Variants in SLC35F3 observed in about 807,000 individuals in gnomAD.
The protein encoded by SLC35F3 is putative thiamine transporter SLC35F3.
Under a neutral mutation model 49.9 loss-of-function variants are expected in SLC35F3, and 25 were observed. The observed-to-expected ratio is 0.50, with a 90% confidence interval of 0.37 to 0.70. The LOEUF (loss-of-function observed/expected upper bound fraction) is 0.70, where lower values mean the gene tolerates loss of function less well. Ranked by LOEUF, SLC35F3 falls within the 30% of genes least tolerant of loss-of-function variation. The probability of loss-of-function intolerance (pLI) is 0.00; values close to 1 mark genes in which losing one functional copy is unlikely to be tolerated. For synonymous variants in SLC35F3, 275 were observed against 265.4 expected (o/e 1.04, Z -0.35); for missense variants, 525 against 639.8 (o/e 0.82, Z 1.94).
intron 2 of SLC35F3, among the ~76,000 whole-genome samples, chr1:233,968,316 T>A (rs1244883000): frequency 1.3e-5 from 2 of 152,174 alleles, no homozygotes; most frequent in African/African-American, 2.4e-5. Context: ...TATGACCTTA[T>A]CTTAACTAAT....
intron 3 of SLC35F3, among the ~76,000 whole-genome samples, chr1:234,299,931 G>C (rs1337761714): frequency 6.6e-6 from 1 of 151,796 alleles, no homozygotes; most frequent in African/African-American, 2.4e-5. Flanking sequence ...CAGAGAAAGA[G>C]AGAGAAAAGA....
At chr1:234,228,351 C>A (rs915561729) in intron 2 of SLC35F3, among the ~76,000 whole-genome samples, 1 of 152,232 alleles carries the variant, frequency 6.6e-6, no homozygotes, top group Non-Finnish European at 1.5e-5. Flanking sequence ...ACTGGCCACG[C>A]TCTCTGCAGA....
At chr1:234,292,687 C>T (rs959859982) in intron 3 of SLC35F3, among the ~76,000 whole-genome samples, 2 of 152,166 alleles carry the variant, frequency 1.3e-5, no homozygotes, top group Admixed American at 6.5e-5. Flanking sequence ...TTAATATGCT[C>T]GGTGAGAAGC....
intron 3 of SLC35F3, among the ~76,000 whole-genome samples, chr1:234,280,743 G>A (rs943525929): frequency 9.2e-5 from 14 of 152,158 alleles, no homozygotes; most frequent in African/African-American, 2.7e-4. Flanking sequence ...CACTTCCACC[G>A]CACAGTCATC....
At chr1:233,990,710 C>T (rs981462668) in intron 2 of SLC35F3, among the ~76,000 whole-genome samples, 1 of 152,082 alleles carries the variant, frequency 6.6e-6, no homozygotes, top group Admixed American at 6.6e-5. Flanking sequence ...GTGCACATAT[C>T]AAAACATTAC....
At chr1:234,321,812 C>T (rs374672022) in intron 7 of SLC35F3, among the ~76,000 whole-genome samples, 3 of 152,084 alleles carry the variant, frequency 2.0e-5, no homozygotes, top group African/African-American at 7.2e-5. Context: ...GGGTTCTCCC[C>T]GACATCTGCT....
At chr1:234,181,820 A>G (rs1666561696) in intron 2 of SLC35F3, among the ~76,000 whole-genome samples, 1 of 152,114 alleles carries the variant, frequency 6.6e-6, no homozygotes, top group Non-Finnish European at 1.5e-5. Flanking sequence ...AGGATAATTC[A>G]CATGTGGTTC....
At chr1:234,108,152 C>T (rs1222519919) in intron 2 of SLC35F3, among the ~76,000 whole-genome samples, 1 of 144,776 alleles carries the variant, frequency 6.9e-6, no homozygotes, top group Admixed American at 7.4e-5. Flanking sequence ...CCTTGTGCAA[C>T]ATAGCGATAC....
intron 2 of SLC35F3, among the ~76,000 whole-genome samples, chr1:234,168,502 C>G: frequency 6.6e-6 from 1 of 152,254 alleles, no homozygotes; most frequent in East Asian, 1.9e-4. Flanking sequence ...TTCTGGCCAT[C>G]ATGCAGCAGA....
chr1:234,170,808 G>C (rs1024905121), intron 2 of SLC35F3, among the ~76,000 whole-genome samples: 1 of 152,100 alleles, frequency 6.6e-6, no homozygotes. Flanking sequence ...AGTACTTAAC[G>C]GTTGCACGAA....
rs74625061 is a variant in SLC35F3 at position 234,280,167 on chromosome 1, C to T, written c.609-28934C>T. Reference sequence around the variant, plus strand: ...TAACATTTCAATGGCAGGGATTCCTCATTGGCTTCAATCCATTGCACATTA... The same window carrying T: ...TAACATTTCAATGGCAGGGATTCCTTATTGGCTTCAATCCATTGCACATTA... On this transcript the variant is annotated intron_variant, in intron 3 of 7. Transcript: ENST00000366618. Among the ~76,000 whole-genome samples the T allele has an allele frequency of 9.4e-3, 1,425 of 152,364 alleles. 14 individuals carry two copies. The highest frequency in any genetic ancestry group is 0.014 in the Middle Eastern group (4 of 294).
At chr1:233,994,373 G>C (rs970303411) in intron 2 of SLC35F3, among the ~76,000 whole-genome samples, 1 of 152,178 alleles carries the variant, frequency 6.6e-6, no homozygotes, top group African/African-American at 2.4e-5. Context: ...GAGTGCATAG[G>C]GTAGGAATTT....
chr1:234,017,405 G>A (rs1432703664), intron 2 of SLC35F3, among the ~76,000 whole-genome samples: 1 of 152,078 alleles, frequency 6.6e-6, no homozygotes, highest in Admixed American at 6.5e-5. Flanking sequence ...TTTCTTTGAT[G>A]TGTGTTTCTG....
intron 2 of SLC35F3, among the ~76,000 whole-genome samples, chr1:233,979,671 A>G (rs1028478103): frequency 6.6e-6 from 1 of 152,202 alleles, no homozygotes; most frequent in Admixed American, 6.5e-5. Flanking sequence ...AGCAACGGAT[A>G]GCTGCTCTTC....
At chr1:234,079,796 C>CT (rs1467096125) in intron 2 of SLC35F3, among the ~76,000 whole-genome samples, 1 of 152,070 alleles carries the variant, frequency 6.6e-6, no homozygotes, top group Non-Finnish European at 1.5e-5. Context: ...AAATCGGAAC[C>CT]TTCATATATT....
intron 3 of SLC35F3, among the ~76,000 whole-genome samples, chr1:234,289,800 AAAAC>A (rs1258156460): frequency 1.3e-5 from 2 of 152,244 alleles, no homozygotes; most frequent in South Asian, 2.1e-4. Flanking sequence ...TTTTAAAAAC[AAAAC>A]AAACACCCAC....
chr1:234,207,422 CT>C (rs1666988575), intron 2 of SLC35F3, among the ~76,000 whole-genome samples: 1 of 1,702 alleles, frequency 5.9e-4, no homozygotes, highest in Non-Finnish European at 1.7e-3. Context: ...TCCTTTCTCC[CT>C]CCCTCTTTCC....
intron 3 of SLC35F3, among the ~76,000 whole-genome samples, chr1:234,287,089 C>T (rs1401761995): frequency 6.6e-6 from 1 of 152,130 alleles, no homozygotes; most frequent in Admixed American, 6.5e-5. Context: ...GTCCCAGCTA[C>T]TTGGGAGGCT....
intron 2 of SLC35F3, among the ~76,000 whole-genome samples, chr1:234,042,190 A>G (rs181261785): frequency 6.6e-6 from 1 of 152,378 alleles, no homozygotes; most frequent in Admixed American, 6.5e-5. Context: ...AATAAGCAGT[A>G]TAATAAATAG....
Sources: gnomAD v4.1 joint callset for allele counts (sites outside exome capture counted in the v4.1 genomes callset) on GRCh38, gnomAD v4.1.1 for gene constraint, MANE v1.5 for transcripts, NCBI Gene and HGNC (gene_info 2026-07-23, HGNC 2026-07-21) for gene names.